Variants in ROR1 observed in about 807,000 individuals in gnomAD.
ROR1 encodes inactive tyrosine-protein kinase transmembrane receptor ROR1.
In ROR1, 19 loss-of-function variants were observed where a neutral mutation model predicts 78.8. That is an observed-to-expected ratio of 0.24 (90% CI 0.17 to 0.35). ROR1 has a LOEUF of 0.35. ROR1 is among the 10% of genes least tolerant of loss of function. ROR1 has a pLI of 1.00. For synonymous variants in ROR1, 386 were observed against 433.6 expected (o/e 0.89, Z 1.36); for missense variants, 917 against 1,177.8 (o/e 0.78, Z 3.24).
At chr1:64,080,248 A>G (rs1207835841) in intron 4 of ROR1, among the ~76,000 whole-genome samples, 2 of 152,136 alleles carry the variant, frequency 1.3e-5, no homozygotes, top group Admixed American at 1.3e-4. Context: ...GACAATATCT[A>G]GAGATATTTT....
intron 1 of ROR1, among the ~76,000 whole-genome samples, chr1:63,924,367 TTTTTTATTATA>T (rs1399634982): frequency 3.3e-5 from 5 of 152,086 alleles, no homozygotes; most frequent in African/African-American, 7.2e-5. Flanking sequence ...AATGAATACA[TTTTTTATTATA>T]TATTAAAAAT....
chr1:64,151,837 TGC>T (rs1649633787), intron 7 of ROR1, among the ~76,000 whole-genome samples: 1 of 149,472 alleles, frequency 6.7e-6, no homozygotes, highest in Non-Finnish European at 1.5e-5. Flanking sequence ...GAGCTGAGAT[TGC>T]ACCACTGCAC....
chr1:64,065,089 A>T (rs1429227263), intron 4 of ROR1, among the ~76,000 whole-genome samples: 2 of 152,180 alleles, frequency 1.3e-5, no homozygotes, highest in African/African-American at 4.8e-5. Context: ...GGAGACAGTA[A>T]ACTTCTAGAT....
At chr1:63,972,144 T>C (rs1364078444) in intron 1 of ROR1, among the ~76,000 whole-genome samples, 2 of 152,230 alleles carry the variant, frequency 1.3e-5, no homozygotes, top group African/African-American at 4.8e-5. Flanking sequence ...CTCATGCCTG[T>C]TTTCCCTTTC....
In ROR1 at chr1:64,159,062, C is replaced by T. The variant is rs755410455; in HGVS notation, c.1256C>T (p.Ala419Val). ...VPSVAIPLAI[A>V]LLFFFICVCR... ...AGTGTGGCCATTCCCCTGGCCATTGCTTTACTCTTCTTCTTCATTTGCGTC... is the reference window on the plus strand; with the variant it reads ...AGTGTGGCCATTCCCCTGGCCATTGTTTTACTCTTCTTCTTCATTTGCGTC... Residue 419 changes from alanine to valine, a missense_variant, in exon 8 of 9, where the codon GCT becomes GTT. Transcript: ENST00000371079. The T allele has an allele frequency of 1.2e-6, 2 of 1,614,002 alleles. No individual in the cohort carries two copies. The highest frequency in any genetic ancestry group is 1.1e-5 in the South Asian group (1 of 91,090).
chr1:64,131,599 A>G (rs948217825), intron 4 of ROR1, among the ~76,000 whole-genome samples: 14 of 151,554 alleles, frequency 9.2e-5, no homozygotes, highest in African/African-American at 3.4e-4. Flanking sequence ...TCACCATTTT[A>G]TTTTATTATT....
At chr1:64,084,795 T>C (rs6687427) in intron 4 of ROR1, among the ~76,000 whole-genome samples, 22,695 of 152,162 alleles carry the variant, frequency 0.15, 1,766 homozygotes, top group Middle Eastern at 0.2. Flanking sequence ...TGAAGTATAA[T>C]TTGGGGATGC....
Position 64,121,261 on chromosome 1 carries a change from C to CCTT in ROR1, c.483-16106_483-16105insTCT, listed in dbSNP as rs1553159804. On this transcript the variant is annotated intron_variant, in intron 4 of 8. Transcript: ENST00000371079. ...TCCTTCCTTCCTTCCTTCCTTCCATCCTCCTGTTTCTTTATTTTGGTAAGG... is the reference window on the plus strand; with the variant it reads ...TCCTTCCTTCCTTCCTTCCTTCCATCCTTCTCCTGTTTCTTTATTTTGGTAAGG... 6.5e-5 allele frequency among the ~76,000 whole-genome samples: 9 copies of CCTT among 139,448 alleles called. 1 individual carries two copies. The highest frequency in any genetic ancestry group is 5.5e-5 in the African/African-American group (2 of 36,598). 91.5% of individuals were successfully genotyped at this position (139,448 alleles called of 152,430 possible).
intron 1 of ROR1, among the ~76,000 whole-genome samples, chr1:63,966,676 T>G (rs534959170): frequency 4.6e-5 from 7 of 152,320 alleles, no homozygotes; most frequent in Admixed American, 2.0e-4. Context: ...AGCTTCCTGT[T>G]TCTTTGTTTT....
chr1:64,121,834 C>A (rs1206056516), intron 4 of ROR1, among the ~76,000 whole-genome samples: 2 of 152,186 alleles, frequency 1.3e-5, no homozygotes, highest in African/African-American at 2.4e-5. Flanking sequence ...ACCTCTGCCT[C>A]TTTTCCTTCC....
At chr1:63,981,748 A>G (rs146051335) in intron 1 of ROR1, among the ~76,000 whole-genome samples, 58 of 152,172 alleles carry the variant, frequency 3.8e-4, no homozygotes, top group Admixed American at 2.5e-3. Flanking sequence ...GTTTGCTCCT[A>G]GAGAGCAGAA....
intron 1 of ROR1, among the ~76,000 whole-genome samples, chr1:63,836,351 G>A (rs774057940): frequency 1.6e-4 from 24 of 152,182 alleles, no homozygotes; most frequent in Non-Finnish European, 2.9e-4. Flanking sequence ...TGAACCAGTG[G>A]AAAAACTAAA....
intron 4 of ROR1, chr1:64,111,357 G>C (rs529090864): frequency 2.6e-5 from 4 of 152,302 alleles, no homozygotes; most frequent in African/African-American, 9.6e-5. Flanking sequence ...TCCAAGTTTA[G>C]CTCATCCATT....
chr1:63,883,709 A>G (rs1645338394), intron 1 of ROR1, among the ~76,000 whole-genome samples: 2 of 152,152 alleles, frequency 1.3e-5, no homozygotes, highest in African/African-American at 2.4e-5. Flanking sequence ...TCTGGCCGCC[A>G]GCACCCCATC....
At chr1:63,783,994 G>C (rs931890175) in intron 1 of ROR1, among the ~76,000 whole-genome samples, 1 of 152,004 alleles carries the variant, frequency 6.6e-6, no homozygotes, top group Non-Finnish European at 1.5e-5. Flanking sequence ...CCTAAGGCCT[G>C]AGTTTTGTTC....
chr1:64,045,487 A>G (rs1180051064), intron 2 of ROR1, among the ~76,000 whole-genome samples: 1 of 152,146 alleles, frequency 6.6e-6, no homozygotes, highest in Non-Finnish European at 1.5e-5. Flanking sequence ...TTCTCCCCTC[A>G]GTGGCATCAA....
intron 8 of ROR1, among the ~76,000 whole-genome samples, chr1:64,160,693 A>C (rs1387128473): frequency 1.3e-5 from 2 of 152,250 alleles, no homozygotes; most frequent in African/African-American, 4.8e-5. Flanking sequence ...ATTGCTACAC[A>C]TTCACCTAGT....
At chr1:63,819,958 G>A (rs925605959) in intron 1 of ROR1, among the ~76,000 whole-genome samples, 1 of 152,110 alleles carries the variant, frequency 6.6e-6, no homozygotes, top group Non-Finnish European at 1.5e-5. Flanking sequence ...TGCGTAAAAT[G>A]GTCCAGTTCT....
At chr1:64,155,220 G>C (rs1285691648) in intron 7 of ROR1, among the ~76,000 whole-genome samples, 1 of 152,006 alleles carries the variant, frequency 6.6e-6, no homozygotes, top group African/African-American at 2.4e-5. Flanking sequence ...ACAAATGCTC[G>C]GACTTCAAAA....
Sources: gnomAD v4.1 joint callset for allele counts (sites outside exome capture counted in the v4.1 genomes callset) on GRCh38, gnomAD v4.1.1 for gene constraint, MANE v1.5 for transcripts, NCBI Gene and HGNC (gene_info 2026-07-23, HGNC 2026-07-21) for gene names.